SLC4A4: variants seen among roughly 807,000 people sequenced by gnomAD.
SLC4A4 encodes the protein solute carrier family 4 member 4.
A neutral mutation model predicts 111.5 loss-of-function variants in SLC4A4; 27 were observed. That is an observed-to-expected ratio of 0.24 (90% CI 0.18 to 0.33). The LOEUF (loss-of-function observed/expected upper bound fraction) is 0.33, where lower values mean the gene tolerates loss of function less well. Among genes scored for constraint, SLC4A4 ranks in the 10% least tolerant of loss-of-function variants. The probability of loss-of-function intolerance (pLI) is 1.00; values close to 1 mark genes in which losing one functional copy is unlikely to be tolerated. For synonymous variants in SLC4A4, 443 were observed against 463.4 expected, an observed-to-expected ratio of 0.96 and a Z score of 0.57; for missense variants, 909 against 1,315.5, an observed-to-expected ratio of 0.69 and a Z score of 4.78.
chr4:71,544,591 C>T (rs1175652246), intron 18 of SLC4A4, among the ~76,000 whole-genome samples: 1 of 152,042 alleles, frequency 6.6e-6, no homozygotes, highest in African/African-American at 2.4e-5. Flanking sequence ...TCACTGCCAC[C>T]ACTCTGGTTC....
chr4:71,108,946 G>A (rs548091886), intron 2 of SLC4A4, among the ~76,000 whole-genome samples: 1 of 151,924 alleles, frequency 6.6e-6, no homozygotes, highest in Non-Finnish European at 1.5e-5. Flanking sequence ...GATATTTTAA[G>A]CCTTTATCTA....
At chr4:71,277,028 A>G (rs1578735393) in intron 3 of SLC4A4, among the ~76,000 whole-genome samples, 1 of 152,190 alleles carries the variant, frequency 6.6e-6, no homozygotes, top group African/African-American at 2.4e-5. Flanking sequence ...TGGGTAACAG[A>G]ATGAGACCCT....
intron 17 of SLC4A4, among the ~76,000 whole-genome samples, chr4:71,532,659 C>T (rs1310182900): frequency 6.6e-6 from 1 of 152,056 alleles, no homozygotes; most frequent in Non-Finnish European, 1.5e-5. Flanking sequence ...GCACATACCA[C>T]CACCCCCAGC....
At chr4:71,247,810 G>A (rs1419611766) in intron 2 of SLC4A4, among the ~76,000 whole-genome samples, 4 of 152,072 alleles carry the variant, frequency 2.6e-5, no homozygotes, top group African/African-American at 7.2e-5. Context: ...GATAAGTGGA[G>A]GGTTCATGTC....
rs568097660 is a variant in SLC4A4, at chr4:71,279,891, G to T, written c.253+24492G>T. On this transcript the variant is annotated intron_variant, in intron 3 of 25. Transcript: ENST00000264485. ...GCTCACTGCAACCTCTGCTTCCCGG[G>T]TTCAAGAGATTCTCCTGCCTCAGCC... Among the ~76,000 whole-genome samples, 9 of 152,256 alleles carry T rather than the reference G, an allele frequency of 5.9e-5. No homozygotes were observed. In the South Asian group the frequency reaches 1.7e-3, roughly 28 times the overall value.
At chr4:71,476,519 C>T (rs966701934) in intron 14 of SLC4A4, among the ~76,000 whole-genome samples, 1 of 151,666 alleles carries the variant, frequency 6.6e-6, no homozygotes, top group African/African-American at 2.4e-5. Flanking sequence ...AATGATTTTA[C>T]AGGAATGGAA....
At chr4:71,164,583 T>C (rs764921499) in intron 2 of SLC4A4, among the ~76,000 whole-genome samples, 18 of 151,544 alleles carry the variant, frequency 1.2e-4, no homozygotes, top group Non-Finnish European at 2.7e-4. Context: ...CCGTAAGACC[T>C]AAAACCATAA....
intron 3 of SLC4A4, among the ~76,000 whole-genome samples, chr4:71,338,018 A>T (rs1404202590): frequency 4.0e-5 from 6 of 151,882 alleles, no homozygotes; most frequent in Non-Finnish European, 7.4e-5. Context: ...TTTTTAGTAG[A>T]AACAGGGTTT....
intron 16 of SLC4A4, among the ~76,000 whole-genome samples, chr4:71,524,036 G>A (rs1441883230): frequency 6.6e-6 from 1 of 152,064 alleles, no homozygotes; most frequent in Non-Finnish European, 1.5e-5. Flanking sequence ...CCTTTCCGTA[G>A]CCTCTGTCCA....
At chr4:71,210,530 T>C (rs1201767688) in intron 1 of SLC4A4, among the ~76,000 whole-genome samples, 4 of 152,328 alleles carry the variant, frequency 2.6e-5, no homozygotes, top group African/African-American at 7.2e-5. Context: ...CATTTTCTTA[T>C]CGGTTATTTC....
chr4:71,404,804 T>C (rs746350357), intron 7 of SLC4A4, among the ~76,000 whole-genome samples: 3 of 152,034 alleles, frequency 2.0e-5, no homozygotes, highest in African/African-American at 4.8e-5. Context: ...CATTCTTTTT[T>C]TTTCTTTTTG....
chr4:71,088,042 G>C (rs1033332785), intron 1 of SLC4A4, among the ~76,000 whole-genome samples: 1 of 151,938 alleles, frequency 6.6e-6, no homozygotes, highest in Non-Finnish European at 1.5e-5. Context: ...GGGAGTCTAA[G>C]TCTCTTTGTA....
chr4:71,134,341 G>A (rs185997337), intron 2 of SLC4A4, among the ~76,000 whole-genome samples: 137 of 152,286 alleles, frequency 9.0e-4, no homozygotes, highest in Non-Finnish European at 1.6e-3. Flanking sequence ...TCTCCTACTG[G>A]TCTTGCTTAT....
intron 16 of SLC4A4, among the ~76,000 whole-genome samples, chr4:71,514,245 A>G (rs368221628): frequency 1.3e-5 from 2 of 152,144 alleles, no homozygotes; most frequent in East Asian, 1.9e-4. Flanking sequence ...GGATTATGGG[A>G]GCAAATTTCC....
intron 4 of SLC4A4, among the ~76,000 whole-genome samples, chr4:71,346,542 G>A (rs758989015): frequency 6.6e-5 from 10 of 150,628 alleles, no homozygotes; most frequent in African/African-American, 2.4e-4. Context: ...TTTTTTAAAC[G>A]TAATTGCATG....
At chr4:71,518,704 C>T (rs1732640511) in intron 16 of SLC4A4, among the ~76,000 whole-genome samples, 1 of 152,058 alleles carries the variant, frequency 6.6e-6, no homozygotes, top group Admixed American at 6.6e-5. Context: ...TTACCCTGGA[C>T]CTGGGGCTCA....
intron 7 of SLC4A4, chr4:71,437,832 G>A (rs7696669): frequency 0.62 from 128,531 of 206,070 alleles, 43,714 homozygotes; most frequent in Non-Finnish European, 0.75. Context: ...GTGTGGCCTC[G>A]TGGGGGCACT....
intron 2 of SLC4A4, among the ~76,000 whole-genome samples, chr4:71,113,952 T>C (rs544472437): frequency 6.6e-6 from 1 of 152,116 alleles, no homozygotes; most frequent in Non-Finnish European, 1.5e-5. Flanking sequence ...ATGTACTTTT[T>C]AAAAAAGCAA....
At chr4:71,114,021 G>A (rs1044599690) in intron 2 of SLC4A4, among the ~76,000 whole-genome samples, 8 of 152,088 alleles carry the variant, frequency 5.3e-5, no homozygotes, top group Non-Finnish European at 8.8e-5. Flanking sequence ...GCCGAGGCCG[G>A]CGGATCACGA....
Sources: gnomAD v4.1 joint callset for allele counts (sites outside exome capture counted in the v4.1 genomes callset) on GRCh38, gnomAD v4.1.1 for gene constraint, MANE v1.5 for transcripts, NCBI Gene and HGNC (gene_info 2026-07-23, HGNC 2026-07-21) for gene names.